Variants in MIGA2 observed in about 807,000 individuals in gnomAD.
MIGA2 encodes mitoguardin 2, also known as family with sequence similarity 73, member B.
Under a neutral mutation model 69.9 loss-of-function variants are expected in MIGA2, and 36 were observed. The ratio of observed to expected loss-of-function variants is 0.52; its 90% CI spans 0.39 to 0.68. The LOEUF (loss-of-function observed/expected upper bound fraction) is 0.68, where lower values mean the gene tolerates loss of function less well. Ranked by LOEUF, MIGA2 falls within the 30% of genes least tolerant of loss-of-function variation. MIGA2 has a pLI of 0.00. For missense variants in MIGA2, 660 were observed against 787.7 expected, an observed-to-expected ratio of 0.84 and a Z score of 1.94; for synonymous variants, 333 against 349.2, an observed-to-expected ratio of 0.95 and a Z score of 0.52.
chr9:129,052,073 G>A (rs1009727895), intron 6 of MIGA2, among the ~76,000 whole-genome samples: 4 of 151,970 alleles, frequency 2.6e-5, no homozygotes, highest in Admixed American at 1.3e-4. Context: ...TGATCCGCCC[G>A]CCTCGGCCTC....
intron 6 of MIGA2, 41 bp downstream of exon 6, chr9:129,050,004 G>A: frequency 1.3e-6 from 2 of 1,584,332 alleles, no homozygotes; most frequent in Non-Finnish European, 1.7e-6. Context: ...ATGGGATAAA[G>A]TTGGCAGCAC....
chr9:129,049,458 G>T lies in MIGA2; in HGVS notation c.498G>T (p.Leu166=). 6.2e-7 allele frequency: 1 copy of T among 1,613,476 alleles called. No individual in the cohort carries two copies. Among genetic ancestry groups the T allele is most frequent in the South Asian group, 1.1e-5 (1 of 90,822 alleles). Residue 166 remains leucine (L), a synonymous_variant, in exon 5 of 16, where the codon CTG becomes CTT. Coordinates refer to ENST00000684074, the MANE Select transcript of MIGA2 (RefSeq NM_001329990.2). ...ATGCCAGAGGGATGGAGGAGTCTCT[G>T]ACCACCAGCGACGGCAATGCAGAGA... is the stretch of plus-strand genomic sequence containing the variant. ...LWDARGMEES[L]TTSDGNAESL...
intron 3 of MIGA2, chr9:129,047,042 G>A (rs1425476763): frequency 6.6e-6 from 1 of 152,058 alleles, no homozygotes; most frequent in African/African-American, 2.4e-5. Flanking sequence ...GCCTCCCAAA[G>A]TACTAGGATT....
chr9:129,041,434 C>T (rs1375056513), intron 2 of MIGA2, among the ~76,000 whole-genome samples: 1 of 151,946 alleles, frequency 6.6e-6, no homozygotes, highest in African/African-American at 2.4e-5. Flanking sequence ...GCGGAGGTTG[C>T]AGTGAGTCGA....
chr9:129,056,768 C>CT (rs1845817568), intron 6 of MIGA2, among the ~76,000 whole-genome samples: 1 of 143,050 alleles, frequency 7.0e-6, no homozygotes, highest in Admixed American at 6.9e-5. Flanking sequence ...ATCTGCCCGC[C>CT]TCGCCCCCCA....
intron 11 of MIGA2, 64 bp downstream of exon 11, chr9:129,063,695 C>G: frequency 6.5e-7 from 1 of 1,544,416 alleles, no homozygotes; most frequent in Non-Finnish European, 8.9e-7. Flanking sequence ...CCCCCTGAAC[C>G]CCACCTGCCA....
chr9:129,062,917 T>G (rs1261160179), intron 9 of MIGA2, among the ~76,000 whole-genome samples: 1 of 152,174 alleles, frequency 6.6e-6, no homozygotes, highest in Non-Finnish European at 1.5e-5. Context: ...CTGCCACATC[T>G]GCTGTCAGGA....
intron 11 of MIGA2, among the ~76,000 whole-genome samples, chr9:129,064,680 C>T (rs925665065): frequency 2.0e-5 from 3 of 152,040 alleles, no homozygotes; most frequent in South Asian, 2.1e-4. Context: ...CTGTGAGCTT[C>T]GTCCTGTCTG....
chr9:129,042,991 G>A (rs557712234), intron 3 of MIGA2, among the ~76,000 whole-genome samples: 77 of 152,202 alleles, frequency 5.1e-4, no homozygotes, highest in Non-Finnish European at 1.1e-3. Flanking sequence ...TTAGGAGATC[G>A]AGGCCATCCT....
At position 129,060,841 on chromosome 9, in the gene MIGA2, G is replaced by A. The variant is rs1846033297; in HGVS notation, c.894+191G>A. 6.6e-6 allele frequency among the ~76,000 whole-genome samples: 1 copy of A among 152,208 alleles called. No homozygotes were observed. The highest frequency in any genetic ancestry group is 1.5e-5 in the Non-Finnish European group (1 of 68,030). ...GAGAAATCGGGGGCTGTTGTCCTGT[G>A]GGTGAGAGCAGGGGTTCCACCCCGA... is the stretch of plus-strand genomic sequence containing the variant. On this transcript the variant is annotated intron_variant, in intron 8 of 15. Coordinates refer to ENST00000684074, the MANE Select transcript of MIGA2 (RefSeq NM_001329990.2). This position sits in a 1 kb window ranked among gnomAD's most constrained non-coding sequence, Gnocchi z 4.8.
intron 10 of MIGA2, 44 bp downstream of exon 10, chr9:129,063,360 TA>T: frequency 6.2e-7 from 1 of 1,606,040 alleles, no homozygotes; most frequent in Non-Finnish European, 8.5e-7. Flanking sequence ...AGGCAAGGGG[TA>T]GTCAGGCTGG....
rs770389640 is a variant in MIGA2 at position 129,068,478 on chromosome 9, G to A, written c.1404+146G>A. ...CGGCTGCCAGGCCTGGGAGACCAGA[G>A]TCTGCCCTGGAGAAGCCTCCAGGGT... On this transcript the variant is annotated intron_variant, in intron 13 of 15. Coordinates refer to ENST00000684074, the MANE Select transcript of MIGA2 (RefSeq NM_001329990.2). This position sits in a 1 kb window ranked among gnomAD's most constrained non-coding sequence, Gnocchi z 4.1. The A allele has an allele frequency of 4.3e-6, 5 of 1,172,554 alleles. No homozygotes were observed. Among genetic ancestry groups the A allele is most frequent in the Non-Finnish European group, 5.9e-6 (5 of 840,866 alleles). 72.6% of individuals were successfully genotyped at this position (1,172,554 alleles called of 1,614,324 possible). A position where few individuals can be genotyped will look rare whatever the true frequency, so the allele number is the denominator to read the frequency against.
At chr9:129,041,891 T>A (rs1371496549) in intron 2 of MIGA2, among the ~76,000 whole-genome samples, 8 of 152,178 alleles carry the variant, frequency 5.3e-5, no homozygotes, top group Non-Finnish European at 2.9e-5. Flanking sequence ...AGATCTGGGT[T>A]TCATGTCTGC....
In MIGA2 at chr9:129,043,021, C is replaced by G. The variant is rs144874666; in HGVS notation, c.307+507C>G. Among the ~76,000 whole-genome samples, 97 of 152,136 alleles carry G rather than the reference C, an allele frequency of 6.4e-4. 2 individuals are homozygous for G. In the South Asian group the frequency reaches 0.016, roughly 25 times the overall value. ...CATCCTGAATAACACGGTGAAACCC[C>G]GTCTCTACTAAAAATACAAAAAATT... On this transcript the variant is annotated intron_variant, in intron 3 of 15. Transcript: ENST00000684074.
In MIGA2 at chr9:129,049,835, C is replaced by G; in HGVS notation, c.547C>G (p.Leu183Val). ...GCCTCACCTGTGCTCAGGCATGGAG[C>G]TGTTTGAGGAAGCTCTGCAGAAGTG... is the stretch of plus-strand genomic sequence containing the variant. ...AESLYMQGME[L>V]FEEALQKWEQ... Residue 183 changes from leucine to valine, a missense_variant, in exon 6 of 16, where the codon CTG (leucine) becomes GTG (valine). This residue lies in a region of MIGA2 where 386 missense variants were observed against 402.0 expected (regional missense o/e 0.96). Coordinates refer to ENST00000684074, the MANE Select transcript of MIGA2 (RefSeq NM_001329990.2). 1 of 1,614,092 alleles carries G rather than the reference C, an allele frequency of 6.2e-7. No individual in the cohort carries two copies. Among genetic ancestry groups the G allele is most frequent in the Non-Finnish European group, 8.5e-7 (1 of 1,180,034 alleles).
chr9:129,057,280 A>T, intron 6 of MIGA2, among the ~76,000 whole-genome samples: 1 of 151,816 alleles, frequency 6.6e-6, no homozygotes, highest in Admixed American at 6.6e-5. Context: ...TGTGTATTTT[A>T]TATATATAAA....
Position 129,069,484 on chromosome 9 carries a change from GCC to G in MIGA2, c.1458+358_1458+359del. The G allele has an allele frequency of 2.0e-6, 1 of 508,720 alleles. No homozygotes were observed. Among genetic ancestry groups the G allele is most frequent in the Non-Finnish European group, 3.6e-6 (1 of 280,298 alleles). 31.5% of individuals were successfully genotyped at this position (508,720 alleles called of 1,614,324 possible). A position where few individuals can be genotyped will look rare whatever the true frequency, so the allele number is the denominator to read the frequency against. ...CCTGCCCTTTCCCCGCCCCAGTCAG[GCC>G]CCTGTAATCTCCGCTCCCAGGCAGC... On this transcript the variant is annotated intron_variant, in intron 14 of 15. Transcript: ENST00000684074. The surrounding 1 kb of genome is among the most constrained non-coding windows in gnomAD (Gnocchi z 4.9).
At chr9:129,048,200 G>A (rs1845330908) in intron 3 of MIGA2, among the ~76,000 whole-genome samples, 1 of 152,228 alleles carries the variant, frequency 6.6e-6, no homozygotes, top group African/African-American at 2.4e-5. Flanking sequence ...GCCTGGCCCT[G>A]TGCCCTGTGG....
At chr9:129,062,830 C>T (rs930946706) in intron 9 of MIGA2, among the ~76,000 whole-genome samples, 3 of 151,064 alleles carry the variant, frequency 2.0e-5, no homozygotes, top group Admixed American at 6.6e-5. Context: ...AGTGACAGAA[C>T]GAGACTCCGT....
Sources: allele counts gnomAD v4.1 joint callset (sites outside exome capture counted in the v4.1 genomes callset), GRCh38; gene constraint gnomAD v4.1.1; regional missense constraint gnomAD v4.1.1; non-coding constraint Gnocchi (gnomAD v3.1); transcripts MANE v1.5; gene names NCBI Gene and HGNC (gene_info 2026-07-23, HGNC 2026-07-21).